The following ACTN4 variants were observed in gnomAD, a reference collection of about 807,000 sequenced individuals.
The protein encoded by ACTN4 is alpha-actinin-4.
Under a neutral mutation model 114.2 loss-of-function variants are expected in ACTN4, and 18 were observed. That is an observed-to-expected ratio of 0.16 (90% confidence interval 0.11 to 0.23). The LOEUF is 0.23. ACTN4 is among the 10% of genes least tolerant of loss of function. ACTN4 has a pLI of 1.00. For synonymous variants in ACTN4, 515 were observed against 506.3 expected (o/e 1.02, Z -0.23); for missense variants, 722 against 1,262.9 (o/e 0.57, Z 6.49).
rs1969415682 is a variant in ACTN4, at chr19:38,729,735, C to G, written c.*303C>G. On this transcript the variant is annotated 3_prime_UTR_variant, in exon 21 of 21. Coordinates refer to ENST00000252699, the MANE Select transcript of ACTN4 (RefSeq NM_004924.6). ...GTGGATTCCCACAGCACAACCGGTC[C>G]CTTCCATGCCCTGGGATGCCTCACC... is the stretch of plus-strand genomic sequence containing the variant. 5.2e-6 allele frequency: 3 copies of G among 577,750 alleles called. No homozygotes were observed. The Admixed American group carries it at 6.5e-5, about 13-fold the overall frequency. 35.8% of individuals were successfully genotyped at this position (577,750 alleles called of 1,614,324 possible).
rs1489150311 is a variant in ACTN4 at position 38,729,135 on chromosome 19, A to G, written c.2558A>G (p.Lys853Arg). 3.7e-6 allele frequency: 6 copies of G among 1,612,982 alleles called. No individual in the cohort carries two copies. The highest frequency in any genetic ancestry group is 3.3e-4 in the Middle Eastern group (2 of 6,062). ...DTADQVIASF[K>R]VLAGDKNFIT... ...GCTGACCAGGTCATCGCTTCCTTCAAGGTCTTAGCAGGGGACAAGGTGAGC... is the reference window on the plus strand; with the variant it reads ...GCTGACCAGGTCATCGCTTCCTTCAGGGTCTTAGCAGGGGACAAGGTGAGC... Residue 853 changes from lysine to arginine, a missense_variant, in exon 20 of 21, where the codon AAG becomes AGG. Lys to Arg is a conservative substitution (Grantham distance 26). Around this residue, in one of 3 missense-constraint regions of ACTN4, gnomAD observed 523 missense variants for 875.9 expected, o/e 0.60. Transcript: ENST00000252699.
chr19:38,657,635 T>C (rs1358089948), intron 1 of ACTN4, among the ~76,000 whole-genome samples: 3 of 150,788 alleles, frequency 2.0e-5, no homozygotes, highest in African/African-American at 7.2e-5. Flanking sequence ...GCATTTCTTT[T>C]TTCTTTCTTT....
chr19:38,688,792 C>T (rs1967830275), intron 1 of ACTN4, among the ~76,000 whole-genome samples: 1 of 152,046 alleles, frequency 6.6e-6, no homozygotes, highest in Non-Finnish European at 1.5e-5. Flanking sequence ...TGGCTATAAT[C>T]AGAAAGTCAG....
At chr19:38,688,445 C>CCTG (rs1029970627) in intron 1 of ACTN4, among the ~76,000 whole-genome samples, 1 of 148,652 alleles carries the variant, frequency 6.7e-6, no homozygotes, top group Non-Finnish European at 1.5e-5. Context: ...GTGGTGGGCG[C>CCTG]CTGTTGTCCC....
At chr19:38,664,714 G>C (rs553665753) in intron 1 of ACTN4, among the ~76,000 whole-genome samples, 2 of 152,258 alleles carry the variant, frequency 1.3e-5, no homozygotes, top group South Asian at 4.1e-4. Context: ...TAGCACAGCC[G>C]GTTCCTATTT....
chr19:38,679,562 G>GGTGTGTGTGTGT lies in ACTN4; in HGVS notation c.163-21033_163-21032insTGTGTGTGTGTG, dbSNP rs752412184. ...ACCCATACGTGCTCAAATAGATTTGGGTGTGCGTGTGTGTGTGTGTGTGTG... is the reference window on the plus strand; with the variant it reads ...ACCCATACGTGCTCAAATAGATTTGGGTGTGTGTGTGTGTGTGCGTGTGTGTGTGTGTGTGTG... On this transcript the variant is annotated intron_variant, in intron 1 of 20. Coordinates refer to ENST00000252699, the MANE Select transcript of ACTN4 (RefSeq NM_004924.6). Among the ~76,000 whole-genome samples the GGTGTGTGTGTGT allele has an allele frequency of 8.8e-4, 85 of 96,398 alleles. 2 individuals carry two copies. The highest frequency in any genetic ancestry group is 4.2e-3 in the Middle Eastern group (1 of 240). 63.2% of individuals were successfully genotyped at this position (96,398 alleles called of 152,430 possible). A position where few individuals can be genotyped will look rare whatever the true frequency, so the allele number is the denominator to read the frequency against.
chr19:38,682,780 T>A (rs950513356), intron 1 of ACTN4, among the ~76,000 whole-genome samples: 3 of 152,086 alleles, frequency 2.0e-5, no homozygotes, highest in African/African-American at 7.2e-5. Flanking sequence ...CCAGCCACAC[T>A]CACCAGGCCC....
intron 1 of ACTN4, among the ~76,000 whole-genome samples, chr19:38,649,123 G>A (rs1976478098): frequency 6.8e-6 from 1 of 146,892 alleles, no homozygotes; most frequent in African/African-American, 2.5e-5. Flanking sequence ...TGGAGAGACC[G>A]GAGGTAGGTG....
chr19:38,711,942 C>A (rs1198607259), intron 8 of ACTN4, among the ~76,000 whole-genome samples: 1 of 152,232 alleles, frequency 6.6e-6, no homozygotes, highest in Non-Finnish European at 1.5e-5. Context: ...CTGCCGGGCC[C>A]TCAGCGTTCA....
rs267605466 is a variant in ACTN4, at chr19:38,717,112, C to A, written c.939C>A (p.Ile313=). The change falls in exon 10 of 21, where the codon ATC becomes ATA. Residue 313 remains isoleucine (I), a synonymous_variant. Coordinates refer to ENST00000252699, the MANE Select transcript of ACTN4 (RefSeq NM_004924.6). This position sits in a 1 kb window ranked among gnomAD's most constrained non-coding sequence, Gnocchi z 4.0. The part of the protein sequence containing the change: ...SDLLEWIRRT[I]PWLEDRVPQK... ...TCCTGGAGTGGATCCGGCGCACCAT[C>A]CCCTGGCTGGAGGACCGTGTGCCCC... 1.2e-6 allele frequency: 2 copies of A among 1,613,944 alleles called. No homozygotes were observed. Among genetic ancestry groups the A allele is most frequent in the Non-Finnish European group, 1.7e-6 (2 of 1,180,014 alleles).
In ACTN4 at chr19:38,730,196, A is replaced by C. The variant is rs984444025; in HGVS notation, c.*764A>C. Reference sequence around the variant, plus strand: ...AGAAAGAATTAAAAACTTTCAGAGAATTACTATTTACTTTATTAACTTACG... The same window carrying C: ...AGAAAGAATTAAAAACTTTCAGAGACTTACTATTTACTTTATTAACTTACG... On this transcript the variant is annotated 3_prime_UTR_variant, in exon 21 of 21. Coordinates refer to ENST00000252699, the MANE Select transcript of ACTN4 (RefSeq NM_004924.6). 6.4e-6 allele frequency: 1 copy of C among 157,290 alleles called. No individual in the cohort carries two copies. Among genetic ancestry groups the C allele is most frequent in the Admixed American group, 6.1e-5 (1 of 16,340 alleles). The allele number at this position is 157,290 out of a possible 1,614,324, so 9.7% of individuals were successfully genotyped here.
chr19:38,693,149 A>G (rs942908416), intron 1 of ACTN4, among the ~76,000 whole-genome samples: 2 of 151,942 alleles, frequency 1.3e-5, no homozygotes, highest in African/African-American at 4.8e-5. Context: ...GTTTTTTTCT[A>G]AAATCTTGTC....
chr19:38,647,934 T>C, intron 1 of ACTN4, 27 bp downstream of exon 1: 1 of 1,274,850 alleles, frequency 7.8e-7, no homozygotes, highest in Non-Finnish European at 1.0e-6. Context: ...CCGGACGGGC[T>C]GGAGGGGCTT....
chr19:38,721,966 C>T (rs1969060873), intron 12 of ACTN4: 1 of 516,888 alleles, frequency 1.9e-6, no homozygotes, highest in Non-Finnish European at 3.5e-6. Flanking sequence ...CTTTAGGGGT[C>T]CCTGGGGGTG....
chr19:38,700,475 T>TGTC, intron 1 of ACTN4, 125 bp from the exon 2 acceptor site: 2 of 773,932 alleles, frequency 2.6e-6, no homozygotes, highest in Non-Finnish European at 4.6e-6. Flanking sequence ...GTACGGTGTG[T>TGTC]GTCGGCGAGT....
At chr19:38,694,949 ACTGCAACCT>A (rs1968045664) in intron 1 of ACTN4, among the ~76,000 whole-genome samples, 1 of 152,120 alleles carries the variant, frequency 6.6e-6, no homozygotes, top group Admixed American at 6.6e-5. Context: ...ATCTCAGCTT[ACTGCAACCT>A]CTGCCTCTCA....
At chr19:38,706,377 C>T (rs374345491) in intron 5 of ACTN4, among the ~76,000 whole-genome samples, 5 of 152,186 alleles carry the variant, frequency 3.3e-5, no homozygotes, top group East Asian at 1.9e-4. Flanking sequence ...CCTAATAGAA[C>T]GTTCTTCGTC....
chr19:38,668,896 C>T (rs115707760), intron 1 of ACTN4, among the ~76,000 whole-genome samples: 62 of 152,006 alleles, frequency 4.1e-4, no homozygotes, highest in Non-Finnish European at 8.7e-4. Context: ...AGAGCTGCCT[C>T]CCTTATAAAT....
intron 19 of ACTN4, 26 bp downstream of exon 19, chr19:38,728,052 C>T (rs369676689): frequency 8.8e-6 from 14 of 1,592,116 alleles, no homozygotes; most frequent in African/African-American, 6.7e-5. Flanking sequence ...CCCCAGCGGA[C>T]CATGGCATTA....
Sources: allele counts gnomAD v4.1 joint callset (sites outside exome capture counted in the v4.1 genomes callset), GRCh38; gene constraint gnomAD v4.1.1; regional missense constraint gnomAD v4.1.1; non-coding constraint Gnocchi (gnomAD v3.1); transcripts MANE v1.5; gene names NCBI Gene and HGNC (gene_info 2026-07-23, HGNC 2026-07-21).